The following CDYL variants were observed in gnomAD, a reference collection of about 807,000 sequenced individuals.
The protein encoded by CDYL is chromodomain Y like.
In CDYL, 8 loss-of-function variants were observed where a neutral mutation model predicts 47.3. The ratio of observed to expected loss-of-function variants is 0.17; its 90% CI spans 0.10 to 0.31. CDYL has a LOEUF of 0.31. Ranked by LOEUF, CDYL falls within the 10% of genes least tolerant of loss-of-function variation. The pLI, the probability that CDYL is intolerant of heterozygous loss-of-function variation, is 1.00. For synonymous variants in CDYL, 266 were observed against 265.0 expected, an observed-to-expected ratio of 1.00 and a Z score of -0.04; for missense variants, 471 against 701.4, an observed-to-expected ratio of 0.67 and a Z score of 3.71.
chr6:4,863,949 C>T (rs12198622), intron 1 of CDYL, among the ~76,000 whole-genome samples: 17,583 of 152,084 alleles, frequency 0.12, 1,157 homozygotes, highest in Non-Finnish European at 0.15. Context: ...AAAACCCTAG[C>T]AAATTGAATT....
intron 2 of CDYL, among the ~76,000 whole-genome samples, chr6:4,719,842 A>G (rs1010618301): frequency 2.0e-5 from 3 of 152,292 alleles, no homozygotes; most frequent in Non-Finnish European, 1.5e-5. Flanking sequence ...CACTTTCCCC[A>G]AAATACCTTC....
At position 4,948,622 on chromosome 6, in the gene CDYL, T is replaced by C. The variant is rs1758602960; in HGVS notation, c.1333-3644T>C. Among the ~76,000 whole-genome samples the C allele has an allele frequency of 2.0e-5, 3 of 152,096 alleles. No homozygotes were observed. The South Asian group carries it at 6.2e-4, about 32-fold the overall frequency. On this transcript the variant is annotated intron_variant, in intron 5 of 6. Coordinates refer to ENST00000397588, the MANE Select transcript of CDYL (RefSeq NM_004824.4). Reference sequence around the variant, plus strand: ...CCGTTAGCAGAGGCTGGGGTACTGCTCGGCACCCTCCATAGCCCACGGGAC... The same window carrying C: ...CCGTTAGCAGAGGCTGGGGTACTGCCCGGCACCCTCCATAGCCCACGGGAC...
chr6:4,903,545 A>G (rs1169881634), intron 2 of CDYL, among the ~76,000 whole-genome samples: 2 of 152,244 alleles, frequency 1.3e-5, no homozygotes, highest in Non-Finnish European at 2.9e-5. Context: ...AAGTGAAATA[A>G]TAAAAGAACC....
At chr6:4,820,330 G>A (rs1459195013) in intron 1 of CDYL, among the ~76,000 whole-genome samples, 2 of 152,192 alleles carry the variant, frequency 1.3e-5, no homozygotes, top group Admixed American at 1.3e-4. Context: ...GACAACAGAT[G>A]TTAAAGACAG....
chr6:4,900,654 C>A (rs1757000441), intron 2 of CDYL, among the ~76,000 whole-genome samples: 1 of 151,244 alleles, frequency 6.6e-6, no homozygotes, highest in East Asian at 1.9e-4. Context: ...ACATTTTAAT[C>A]TATTTTTCAG....
chr6:4,844,146 C>T (rs113113054), intron 1 of CDYL, among the ~76,000 whole-genome samples: 22 of 152,246 alleles, frequency 1.4e-4, no homozygotes, highest in African/African-American at 4.6e-4. Context: ...GGCTGGTACT[C>T]GGGAGTGTCT....
chr6:4,735,076 C>T (rs1450869372), intron 3 of CDYL, among the ~76,000 whole-genome samples: 7 of 151,954 alleles, frequency 4.6e-5, no homozygotes, highest in East Asian at 1.9e-4. Context: ...CAGCTGAGGT[C>T]GGGAGTTCAA....
At chr6:4,900,736 TTGAC>T (rs1757002618) in intron 2 of CDYL, among the ~76,000 whole-genome samples, 1 of 140,114 alleles carries the variant, frequency 7.1e-6, no homozygotes, top group East Asian at 2.2e-4. Flanking sequence ...TGCAAGTTAA[TTGAC>T]TGTTTGCATT....
intron 2 of CDYL, among the ~76,000 whole-genome samples, chr6:4,928,287 T>C (rs1273654307): frequency 6.6e-6 from 1 of 152,214 alleles, no homozygotes; most frequent in East Asian, 1.9e-4. Flanking sequence ...AGGGGGGCTG[T>C]CTTTTTATGT....
chr6:4,758,926 CTCTT>C (rs141491308), intron 3 of CDYL, among the ~76,000 whole-genome samples: 11,608 of 149,874 alleles, frequency 0.077, 493 homozygotes, highest in South Asian at 0.14. Flanking sequence ...AGTGAAGAGG[CTCTT>C]TCTGATCTTT....
intron 2 of CDYL, among the ~76,000 whole-genome samples, chr6:4,919,555 G>A (rs1300792531): frequency 6.6e-6 from 1 of 152,134 alleles, no homozygotes; most frequent in East Asian, 1.9e-4. Context: ...TGTTACATTG[G>A]TGAAAAGTTT....
intron 2 of CDYL, among the ~76,000 whole-genome samples, chr6:4,921,541 C>T (rs1345665668): frequency 1.3e-5 from 2 of 150,970 alleles, no homozygotes; most frequent in African/African-American, 5.0e-5. Context: ...TTTCTCAGCC[C>T]CCACTTCCTA....
intron 2 of CDYL, among the ~76,000 whole-genome samples, chr6:4,730,534 C>A (rs967656096): frequency 2.0e-5 from 3 of 151,920 alleles, no homozygotes; most frequent in African/African-American, 7.3e-5. Context: ...ATTAGCCTGG[C>A]GTGCTGGTGC....
chr6:4,819,811 A>G (rs1759782764), intron 1 of CDYL, among the ~76,000 whole-genome samples: 1 of 152,080 alleles, frequency 6.6e-6, no homozygotes, highest in African/African-American at 2.4e-5. Context: ...CTGGCATCTT[A>G]TGGGTAGAGG....
intron 1 of CDYL, among the ~76,000 whole-genome samples, chr6:4,861,845 A>G (rs1761178812): frequency 6.6e-6 from 1 of 152,286 alleles, no homozygotes; most frequent in Non-Finnish European, 1.5e-5. Context: ...TCCACTCAGC[A>G]AGCCTTTAAA....
intron 1 of CDYL, among the ~76,000 whole-genome samples, chr6:4,856,369 A>G (rs1012001468): frequency 2.0e-5 from 3 of 152,218 alleles, no homozygotes; most frequent in African/African-American, 7.2e-5. Flanking sequence ...CCGGATAGAT[A>G]ATTGCAGACA....
chr6:4,766,758 C>T (rs1581152916), intron 3 of CDYL, among the ~76,000 whole-genome samples: 1 of 151,552 alleles, frequency 6.6e-6, no homozygotes, highest in Non-Finnish European at 1.5e-5. Flanking sequence ...TAATCCTAGC[C>T]TTTGGGAGGC....
intron 1 of CDYL, among the ~76,000 whole-genome samples, chr6:4,711,624 G>A (rs1047570589): frequency 1.3e-5 from 2 of 152,168 alleles, no homozygotes; most frequent in Non-Finnish European, 2.9e-5. Context: ...AGGGAGGGGG[G>A]AGGAGGACAT....
intron 3 of CDYL, among the ~76,000 whole-genome samples, chr6:4,735,724 C>T (rs1408464915): frequency 6.6e-6 from 1 of 151,988 alleles, no homozygotes; most frequent in Non-Finnish European, 1.5e-5. Flanking sequence ...TGAGATCGCT[C>T]CACTGCACTC....
Sources: gnomAD v4.1 joint callset for allele counts (sites outside exome capture counted in the v4.1 genomes callset) on GRCh38, gnomAD v4.1.1 for gene constraint, MANE v1.5 for transcripts, NCBI Gene and HGNC (gene_info 2026-07-23, HGNC 2026-07-21) for gene names.